The following KIAA1217 variants were observed in gnomAD, a reference collection of about 807,000 sequenced individuals.
KIAA1217 encodes KIAA1217, also known as sickle tail protein homolog.
In KIAA1217, 88 loss-of-function variants were observed where a neutral mutation model predicts 163.9. The ratio of observed to expected loss-of-function variants is 0.54; its 90% CI spans 0.45 to 0.64. The LOEUF (loss-of-function observed/expected upper bound fraction) is 0.64, where lower values mean the gene tolerates loss of function less well. Among genes scored for constraint, KIAA1217 ranks in the 30% least tolerant of loss-of-function variants. The pLI, the probability that KIAA1217 is intolerant of heterozygous loss-of-function variation, is 0.00. For synonymous variants in KIAA1217, 903 were observed against 923.1 expected, an observed-to-expected ratio of 0.98 and a Z score of 0.39; for missense variants, 2,372 against 2,475.0, an observed-to-expected ratio of 0.96 and a Z score of 0.88.
intron 1 of KIAA1217, among the ~76,000 whole-genome samples, chr10:23,903,260 T>C (rs1279591391): frequency 1.3e-5 from 2 of 152,120 alleles, no homozygotes; most frequent in Admixed American, 6.6e-5. Context: ...CTATCAAATA[T>C]TGGTGATTCT....
At chr10:24,201,733 T>C (rs2067265282) in intron 2 of KIAA1217, among the ~76,000 whole-genome samples, 1 of 149,826 alleles carries the variant, frequency 6.7e-6, no homozygotes, top group African/African-American at 2.4e-5. Context: ...TGGACTGAGG[T>C]GGGGAGAGAA....
intron 5 of KIAA1217, among the ~76,000 whole-genome samples, chr10:24,470,144 T>G (rs1015268063): frequency 2.6e-5 from 4 of 152,194 alleles, no homozygotes; most frequent in Non-Finnish European, 4.4e-5. Context: ...AGCCAGTCCC[T>G]CCTGTATTTT....
At chr10:23,900,298 A>C (rs370712038) in intron 1 of KIAA1217, among the ~76,000 whole-genome samples, 29 of 151,910 alleles carry the variant, frequency 1.9e-4, no homozygotes, top group African/African-American at 6.0e-4. Flanking sequence ...GAGCCACCAC[A>C]CCCAGCCCCT....
chr10:23,720,131 T>C (rs78272988), intron 1 of KIAA1217, among the ~76,000 whole-genome samples: 3,049 of 151,942 alleles, frequency 0.02, 44 homozygotes, highest in Non-Finnish European at 0.032. Flanking sequence ...GTTGTGAATG[T>C]ACTAAATGCC....
At chr10:23,894,326 A>G (rs1380752064) in intron 1 of KIAA1217, among the ~76,000 whole-genome samples, 1 of 152,024 alleles carries the variant, frequency 6.6e-6, no homozygotes, top group African/African-American at 2.4e-5. Flanking sequence ...AAAAATCACA[A>G]GCATTCTTAC....
At chr10:24,370,210 A>C (rs1257386512) in intron 2 of KIAA1217, among the ~76,000 whole-genome samples, 2 of 147,562 alleles carry the variant, frequency 1.4e-5, no homozygotes, top group Non-Finnish European at 3.0e-5. Flanking sequence ...GCCTGCAGTG[A>C]GCCAAGATCA....
rs556244087 is a variant in KIAA1217 at position 23,760,719 on chromosome 10, T to C, written c.-321+65485T>C. On this transcript the variant is annotated intron_variant, in intron 1 of 18. Coordinates refer to the KIAA1217 transcript ENST00000376462. Reference sequence around the variant, plus strand: ...ACTTTGGGAGGCCCAGGTGGGAAGATTGCTTGAGCTCAGGAGTTTGAGACC... The same window carrying C: ...ACTTTGGGAGGCCCAGGTGGGAAGACTGCTTGAGCTCAGGAGTTTGAGACC... Among the ~76,000 whole-genome samples, 84 of 152,268 alleles carry C rather than the reference T, an allele frequency of 5.5e-4. 1 individual carries two copies. Among genetic ancestry groups the C allele is most frequent in the Admixed American group, 1.1e-3 (17 of 15,302 alleles).
intron 1 of KIAA1217, among the ~76,000 whole-genome samples, chr10:24,210,970 A>G (rs1030744008): frequency 6.6e-6 from 1 of 151,818 alleles, no homozygotes; most frequent in Non-Finnish European, 1.5e-5. Flanking sequence ...AGTATATCCC[A>G]TGCCATATTT....
intron 1 of KIAA1217, among the ~76,000 whole-genome samples, chr10:23,911,360 A>G (rs1406326094): frequency 6.6e-6 from 1 of 152,048 alleles, no homozygotes; most frequent in Non-Finnish European, 1.5e-5. Context: ...CTCCACATAT[A>G]CCCCGTAGGG....
chr10:24,114,380 C>T (rs187340014), intron 2 of KIAA1217, among the ~76,000 whole-genome samples: 1 of 152,138 alleles, frequency 6.6e-6, no homozygotes, highest in Admixed American at 6.5e-5. Context: ...AAAAAAAATG[C>T]TGACTGAGTC....
At chr10:24,038,803 G>A (rs1211327747) in intron 2 of KIAA1217, among the ~76,000 whole-genome samples, 2 of 144,550 alleles carry the variant, frequency 1.4e-5, no homozygotes, top group Admixed American at 1.4e-4. Context: ...CCAGGCTGGA[G>A]TGCAGTAGCA....
rs544952644 is a variant in KIAA1217 at position 24,415,706 on chromosome 10, C to G, written c.554-17289C>G. On this transcript the variant is annotated intron_variant, in intron 3 of 20. Transcript: ENST00000376454. Reference sequence around the variant, plus strand: ...CACACACAAGACTGTGATCTGAGCACTCATCCCCAGCCTTAGAGAATTGGG... The same window carrying G: ...CACACACAAGACTGTGATCTGAGCAGTCATCCCCAGCCTTAGAGAATTGGG... Among the ~76,000 whole-genome samples the G allele has an allele frequency of 3.3e-4, 50 of 152,232 alleles. No individual in the cohort carries two copies. In the South Asian group the frequency reaches 8.9e-3, roughly 27 times the overall value.
At chr10:24,167,772 A>G (rs2065427354) in intron 2 of KIAA1217, among the ~76,000 whole-genome samples, 1 of 152,140 alleles carries the variant, frequency 6.6e-6, no homozygotes, top group Non-Finnish European at 1.5e-5. Flanking sequence ...TGCTGCTGTA[A>G]TGGTATGCCA....
intron 2 of KIAA1217, among the ~76,000 whole-genome samples, chr10:24,062,216 C>T (rs1029967144): frequency 6.6e-6 from 1 of 151,136 alleles, no homozygotes; most frequent in African/African-American, 2.4e-5. Flanking sequence ...TATACATGTG[C>T]CATGTTGGTG....
In KIAA1217 at chr10:23,961,763, G is replaced by A. The variant is rs536363324; in HGVS notation, c.-320-45462G>A. On this transcript the variant is annotated intron_variant, in intron 1 of 18. Coordinates refer to the KIAA1217 transcript ENST00000376462. The stretch of plus-strand genomic sequence containing the variant: ...TTAAGCAGAAACATATCATCTCACA[G>A]TTCTAGCGGCTGGAGTACAAAATCA... 1.3e-3 allele frequency among the ~76,000 whole-genome samples: 191 copies of A among 152,316 alleles called. 1 individual carries two copies. Among genetic ancestry groups the A allele is most frequent in the Non-Finnish European group, 1.4e-3 (97 of 68,028 alleles).
intron 5 of KIAA1217, among the ~76,000 whole-genome samples, chr10:24,470,116 C>T (rs958698152): frequency 1.3e-5 from 2 of 152,156 alleles, no homozygotes; most frequent in South Asian, 4.1e-4. Flanking sequence ...AATTTGCCCA[C>T]ATATCCGCTG....
At chr10:24,182,980 G>A (rs868855112) in intron 2 of KIAA1217, among the ~76,000 whole-genome samples, 5 of 152,180 alleles carry the variant, frequency 3.3e-5, no homozygotes, top group Admixed American at 6.5e-5. Flanking sequence ...GAGGTGTTTA[G>A]GTCATAGATG....
intron 2 of KIAA1217, among the ~76,000 whole-genome samples, chr10:24,336,543 C>T (rs2046378343): frequency 6.6e-6 from 1 of 151,978 alleles, no homozygotes; most frequent in African/African-American, 2.4e-5. Flanking sequence ...CTGCCCTTCA[C>T]GATGTGAACC....
intron 10 of KIAA1217, among the ~76,000 whole-genome samples, chr10:24,517,243 C>T (rs1476730304): frequency 6.6e-6 from 1 of 151,536 alleles, no homozygotes; most frequent in Non-Finnish European, 1.5e-5. Context: ...GTAAATTTTC[C>T]TTCCATAAGG....
Sources: allele counts gnomAD v4.1 joint callset (sites outside exome capture counted in the v4.1 genomes callset), GRCh38; gene constraint gnomAD v4.1.1; transcripts MANE v1.5; gene names NCBI Gene and HGNC (gene_info 2026-07-23, HGNC 2026-07-21).